The following FOXP1 variants were observed in gnomAD, a reference collection of about 807,000 sequenced individuals.
The protein encoded by FOXP1 is forkhead box protein P1.
Under a neutral mutation model 98.2 loss-of-function variants are expected in FOXP1, and 15 were observed. That is an observed-to-expected ratio of 0.15 (90% CI 0.10 to 0.24). FOXP1 has a LOEUF of 0.24. Among genes scored for constraint, FOXP1 ranks in the 10% least tolerant of loss-of-function variants. FOXP1 has a pLI of 1.00. For missense variants in FOXP1, 633 were observed against 848.5 expected (o/e 0.75, Z 3.15); for synonymous variants, 371 against 314.5 (o/e 1.18, Z -1.90).
chr3:71,399,180 A>G (rs887936390), intron 3 of FOXP1, among the ~76,000 whole-genome samples: 1 of 152,170 alleles, frequency 6.6e-6, no homozygotes, highest in African/African-American at 2.4e-5. Context: ...ATGTGTGTAC[A>G]TACACATATG....
At chr3:71,226,940 C>T (rs923114574) in intron 5 of FOXP1, among the ~76,000 whole-genome samples, 5 of 152,144 alleles carry the variant, frequency 3.3e-5, no homozygotes, top group African/African-American at 9.7e-5. Flanking sequence ...AGCTGACAGT[C>T]CCCTCTGATG....
chr3:71,372,746 C>A (rs1365803557), intron 3 of FOXP1, among the ~76,000 whole-genome samples: 1 of 152,170 alleles, frequency 6.6e-6, no homozygotes, highest in East Asian at 1.9e-4. Flanking sequence ...AAACCTCACT[C>A]GAAGCTATAA....
chr3:71,090,470 C>T (rs535850310), intron 7 of FOXP1, among the ~76,000 whole-genome samples: 1 of 152,282 alleles, frequency 6.6e-6, no homozygotes, highest in Non-Finnish European at 1.5e-5. Context: ...ACAAATTACT[C>T]AGTCCCCAGG....
chr3:71,229,489 G>C (rs558758730), intron 5 of FOXP1, among the ~76,000 whole-genome samples: 22 of 152,256 alleles, frequency 1.4e-4, no homozygotes, highest in Admixed American at 1.0e-3. Context: ...GCTTCACCTA[G>C]TGCTTGAAGC....
chr3:71,027,906 A>T (rs566484361), intron 11 of FOXP1, among the ~76,000 whole-genome samples: 335 of 152,282 alleles, frequency 2.2e-3, no homozygotes, highest in African/African-American at 7.3e-3. Context: ...CTGCAACTTT[A>T]AGTAAGTTCT....
intron 5 of FOXP1, among the ~76,000 whole-genome samples, chr3:71,232,846 T>C (rs60665904): frequency 0.11 from 11,821 of 110,816 alleles, 742 homozygotes; most frequent in East Asian, 0.35. Flanking sequence ...TATAACGAGC[T>C]GAGATCGTGC....
chr3:71,581,265 G>T, intron 2 of FOXP1: 1 of 985,320 alleles, frequency 1.0e-6, no homozygotes, highest in Non-Finnish European at 1.2e-6. Flanking sequence ...TGAGAAGGGG[G>T]GCGAGGATGT....
intron 5 of FOXP1, among the ~76,000 whole-genome samples, chr3:71,259,692 T>G (rs564100191): frequency 1.3e-5 from 2 of 152,316 alleles, no homozygotes; most frequent in South Asian, 4.1e-4. Context: ...AATAGGGTTG[T>G]GATGAAACAA....
intron 5 of FOXP1, among the ~76,000 whole-genome samples, chr3:71,248,198 C>T (rs894016919): frequency 2.6e-5 from 4 of 152,196 alleles, no homozygotes; most frequent in Admixed American, 1.3e-4. Flanking sequence ...AGATAGTGTT[C>T]TATATGTAGC....
intron 2 of FOXP1, among the ~76,000 whole-genome samples, chr3:71,498,412 A>G (rs955949643): frequency 6.6e-6 from 1 of 152,218 alleles, no homozygotes; most frequent in African/African-American, 2.4e-5. Flanking sequence ...CAGGAAAACA[A>G]CAACAGCACA....
intron 6 of FOXP1, among the ~76,000 whole-genome samples, chr3:71,169,604 C>T (rs2061548752): frequency 6.6e-6 from 1 of 151,454 alleles, no homozygotes; most frequent in East Asian, 2.0e-4. Flanking sequence ...TTTCCTTCCT[C>T]CCCCACCGCC....
At chr3:71,055,107 C>G (rs1015157174) in intron 7 of FOXP1, among the ~76,000 whole-genome samples, 1 of 152,158 alleles carries the variant, frequency 6.6e-6, no homozygotes, top group Non-Finnish European at 1.5e-5. Flanking sequence ...TGCAGTTTAT[C>G]CTGACTTTTT....
chr3:71,206,839 T>G (rs2064075199), intron 5 of FOXP1, among the ~76,000 whole-genome samples: 1 of 152,234 alleles, frequency 6.6e-6, no homozygotes. Flanking sequence ...TTGGTTCGCT[T>G]CTTTCCTAAT....
chr3:71,087,487 C>G (rs1213935301), intron 7 of FOXP1, among the ~76,000 whole-genome samples: 1 of 152,200 alleles, frequency 6.6e-6, no homozygotes, highest in African/African-American at 2.4e-5. Context: ...CATTCCTTGT[C>G]AGTGCATCAC....
At chr3:70,981,731 C>T (rs2038905373) in intron 14 of FOXP1, among the ~76,000 whole-genome samples, 2 of 152,230 alleles carry the variant, frequency 1.3e-5, no homozygotes, top group South Asian at 4.1e-4. Flanking sequence ...AGAGGAGCTG[C>T]AGTCAAGTGG....
intron 10 of FOXP1, among the ~76,000 whole-genome samples, chr3:71,044,484 A>C (rs886326426): frequency 3.3e-5 from 5 of 152,248 alleles, no homozygotes; most frequent in Non-Finnish European, 7.3e-5. Flanking sequence ...CTTAAAAACA[A>C]CACAAAATAT....
At chr3:71,216,114 C>T (rs1168595224) in intron 5 of FOXP1, among the ~76,000 whole-genome samples, 2 of 151,580 alleles carry the variant, frequency 1.3e-5, no homozygotes, top group Non-Finnish European at 1.5e-5. Context: ...GGCTCCTAAC[C>T]AAATCCCCAT....
At chr3:71,224,611 T>A (rs1440534688) in intron 5 of FOXP1, among the ~76,000 whole-genome samples, 2 of 152,162 alleles carry the variant, frequency 1.3e-5, no homozygotes, top group Non-Finnish European at 2.9e-5. Context: ...GACAAGCTTC[T>A]AAAATTATCC....
intron 2 of FOXP1, among the ~76,000 whole-genome samples, chr3:71,529,537 T>C (rs1405668992): frequency 2.0e-5 from 3 of 152,214 alleles, no homozygotes; most frequent in East Asian, 1.9e-4. Context: ...AGCCACATGA[T>C]TGCAGAGTGG....
Sources: gnomAD v4.1 joint callset for allele counts (sites outside exome capture counted in the v4.1 genomes callset) on GRCh38, gnomAD v4.1.1 for gene constraint, MANE v1.5 for transcripts, NCBI Gene and HGNC (gene_info 2026-07-23, HGNC 2026-07-21) for gene names.